The following PACS1 variants were observed in gnomAD, a reference collection of about 807,000 sequenced individuals.
PACS1 encodes the protein phosphofurin acidic cluster sorting protein 1.
Under a neutral mutation model 115.0 loss-of-function variants are expected in PACS1, and 24 were observed. The observed-to-expected ratio is 0.21, with a 90% confidence interval of 0.15 to 0.29. PACS1 has a LOEUF of 0.29. Ranked by LOEUF, PACS1 falls within the 10% of genes least tolerant of loss-of-function variation. The probability of loss-of-function intolerance (pLI) is 1.00; values close to 1 mark genes in which losing one functional copy is unlikely to be tolerated. For synonymous variants in PACS1, 453 were observed against 504.5 expected (o/e 0.90, Z 1.37); for missense variants, 838 against 1,251.2 (o/e 0.67, Z 4.98).
intron 1 of PACS1, among the ~76,000 whole-genome samples, chr11:66,083,464 A>G (rs1857520749): frequency 6.6e-6 from 1 of 152,156 alleles, no homozygotes; most frequent in South Asian, 2.1e-4. Flanking sequence ...CTCCATGGAG[A>G]AAAAGGAAAG....
At position 66,190,568 on chromosome 11, in the gene PACS1, T is replaced by C. The variant is rs557113494; in HGVS notation, c.357-2918T>C. 1.1e-4 allele frequency among the ~76,000 whole-genome samples: 17 copies of C among 152,208 alleles called. No homozygotes were observed. In the South Asian group the frequency reaches 3.5e-3, roughly 32 times the overall value. ...AGCCTCCCACATTTCTTTTTATTTT[T>C]AAGAGAATGGGATCTTTCTATGTTG... On this transcript the variant is annotated intron_variant, in intron 1 of 23. Coordinates refer to ENST00000320580, the MANE Select transcript of PACS1 (RefSeq NM_018026.4).
intron 1 of PACS1, among the ~76,000 whole-genome samples, chr11:66,177,395 C>A (rs533409921): frequency 6.6e-6 from 1 of 152,098 alleles, no homozygotes; most frequent in East Asian, 1.9e-4. Context: ...TTCTCCATGT[C>A]GGTCAAGCTG....
At chr11:66,112,058 G>C (rs1380353102) in intron 1 of PACS1, among the ~76,000 whole-genome samples, 1 of 152,162 alleles carries the variant, frequency 6.6e-6, no homozygotes, top group Non-Finnish European at 1.5e-5. Context: ...ACACCACCCT[G>C]TCTCACCTGC....
intron 1 of PACS1, among the ~76,000 whole-genome samples, chr11:66,098,041 G>T (rs1397909518): frequency 6.6e-6 from 1 of 152,160 alleles, no homozygotes; most frequent in Non-Finnish European, 1.5e-5. Context: ...GCTGGGCATG[G>T]TGGTGGGCGC....
At chr11:66,237,400 C>G (rs573460507) in intron 19 of PACS1, among the ~76,000 whole-genome samples, 1 of 152,338 alleles carries the variant, frequency 6.6e-6, no homozygotes, top group African/African-American at 2.4e-5. Context: ...GAGGCTCCCT[C>G]GTAGCTTCTA....
At chr11:66,207,728 G>T (rs1026677479) in intron 2 of PACS1, among the ~76,000 whole-genome samples, 4 of 152,132 alleles carry the variant, frequency 2.6e-5, no homozygotes, top group Non-Finnish European at 5.9e-5. Context: ...GTCTCGTTCT[G>T]TTGCCCAGGC....
chr11:66,202,784 C>T (rs1359042852), intron 2 of PACS1, among the ~76,000 whole-genome samples: 8 of 92,192 alleles, frequency 8.7e-5, no homozygotes, highest in African/African-American at 1.8e-4. Flanking sequence ...TATATATATT[C>T]TGAAAAAGCA....
intron 10 of PACS1, among the ~76,000 whole-genome samples, chr11:66,223,559 A>C (rs1855405106): frequency 6.6e-6 from 1 of 152,142 alleles, no homozygotes; most frequent in South Asian, 2.1e-4. Flanking sequence ...CAGCATCCAC[A>C]TGGGCAAACC....
At chr11:66,193,660 A>G in intron 2 of PACS1, 87 bp downstream of exon 2, 1 of 860,842 alleles carries the variant, frequency 1.2e-6, no homozygotes, top group Non-Finnish European at 1.9e-6. Context: ...CACTACTGGG[A>G]CCACCTCTGT....
At chr11:66,172,395 T>C (rs145862334) in intron 1 of PACS1, among the ~76,000 whole-genome samples, 2,568 of 152,236 alleles carry the variant, frequency 0.017, 259 homozygotes, top group Admixed American at 0.15. Flanking sequence ...ACGTTGCACC[T>C]TTTTGCCTTG....
In PACS1 at chr11:66,233,090, C is replaced by T. The variant is rs1385712158; in HGVS notation, c.1838+24C>T. On this transcript the variant is annotated intron_variant, in intron 15 of 23. Transcript: ENST00000320580. The surrounding 1 kb of genome is among the most constrained non-coding windows in gnomAD (Gnocchi z 4.5). ...TAGTAAGGGCTCTGGCCTCCCTTCT[C>T]CTGCCCTTAGAGATTCCCTCTGACC... 7.2e-6 allele frequency: 11 copies of T among 1,533,012 alleles called. No individual in the cohort carries two copies. Among genetic ancestry groups the T allele is most frequent in the Admixed American group, 6.7e-5 (4 of 59,814 alleles). 95.0% of individuals were successfully genotyped at this position (1,533,012 alleles called of 1,614,324 possible). A position where few individuals can be genotyped will look rare whatever the true frequency, so the allele number is the denominator to read the frequency against.
At chr11:66,143,665 A>T (rs1859053870) in intron 1 of PACS1, among the ~76,000 whole-genome samples, 1 of 152,004 alleles carries the variant, frequency 6.6e-6, no homozygotes, top group Non-Finnish European at 1.5e-5. Context: ...TTTAAGACAG[A>T]GTCTTACTCT....
chr11:66,071,567 G>A (rs756574085), intron 1 of PACS1, among the ~76,000 whole-genome samples: 1 of 152,210 alleles, frequency 6.6e-6, no homozygotes, highest in Non-Finnish European at 1.5e-5. Flanking sequence ...ATAGGCCTGA[G>A]TTTGGGAATA....
rs559149366 is a variant in PACS1 at position 66,092,519 on chromosome 11, G to T, written c.356+21677G>T. ...TTTCTTTTGCTGTGCAGAAGCTCTT[G>T]AGTTTAATTAGATCCCATTTGTCAA... On this transcript the variant is annotated intron_variant, in intron 1 of 23. Coordinates refer to ENST00000320580, the MANE Select transcript of PACS1 (RefSeq NM_018026.4). Among the ~76,000 whole-genome samples the T allele has an allele frequency of 3.7e-3, 569 of 151,916 alleles. 2 individuals carry two copies. The highest frequency in any genetic ancestry group is 0.013 in the East Asian group (67 of 5,168).
chr11:66,144,543 G>A (rs1345797298), intron 1 of PACS1, among the ~76,000 whole-genome samples: 1 of 152,222 alleles, frequency 6.6e-6, no homozygotes, highest in Non-Finnish European at 1.5e-5. Flanking sequence ...TCAATATAGA[G>A]TTGTACGGCA....
chr11:66,202,782 T>TA (rs1854845586), intron 2 of PACS1, among the ~76,000 whole-genome samples: 1 of 119,690 alleles, frequency 8.4e-6, no homozygotes, highest in African/African-American at 3.3e-5. Flanking sequence ...TATATATATA[T>TA]TCTGAAAAAG....
At chr11:66,212,510 A>G (rs1400640450) in intron 4 of PACS1, among the ~76,000 whole-genome samples, 6 of 151,136 alleles carry the variant, frequency 4.0e-5, no homozygotes, top group Admixed American at 1.3e-4. Context: ...GGCTCAAGCA[A>G]TCCTCCCTCC....
At chr11:66,230,510 G>A in intron 11 of PACS1, 38 bp from the exon 12 acceptor site, 1 of 1,446,416 alleles carries the variant, frequency 6.9e-7, no homozygotes, top group South Asian at 1.1e-5. Flanking sequence ...GTCACTGAGT[G>A]GGAGGTCATC....
chr11:66,092,782 C>G (rs1857691275), intron 1 of PACS1, among the ~76,000 whole-genome samples: 1 of 152,034 alleles, frequency 6.6e-6, no homozygotes, highest in African/African-American at 2.4e-5. Context: ...AATAGAGAAT[C>G]CTTTCCCCAT....
Sources: allele counts gnomAD v4.1 joint callset (sites outside exome capture counted in the v4.1 genomes callset), GRCh38; gene constraint gnomAD v4.1.1; non-coding constraint Gnocchi (gnomAD v3.1); transcripts MANE v1.5; gene names NCBI Gene and HGNC (gene_info 2026-07-23, HGNC 2026-07-21).